Variants in DTNBP1 observed in about 807,000 individuals in gnomAD.
DTNBP1 encodes the protein dystrobrevin binding protein 1, also known as dysbindin.
DTNBP1 carries 35 observed loss-of-function variants against 42.8 expected under a neutral mutation model. That is an observed-to-expected ratio of 0.82 (90% CI 0.63 to 1.09). The LOEUF is 1.09. Ranked by LOEUF, DTNBP1 falls within the 50% of genes least tolerant of loss-of-function variation. DTNBP1 has a pLI of 0.00. For missense variants in DTNBP1, 457 were observed against 424.2 expected, an observed-to-expected ratio of 1.08 and a Z score of -0.68; for synonymous variants, 171 against 162.2, an observed-to-expected ratio of 1.05 and a Z score of -0.41.
At position 15,524,579 on chromosome 6, in the gene DTNBP1, T is replaced by C. The variant is rs1944264776; in HGVS notation, c.758A>G (p.Asp253Gly). Residue 253 changes from aspartate (D) to glycine (G), a missense_variant, in exon 9 of 10, where the codon GAC (aspartate) becomes GGC (glycine). Transcript: ENST00000344537. ...LMDISDQEAL[D>G]VFLNSGGEEN... ...TTCTCCTCCAGAGTTCAGGAAGACGTCCAGGGCCTCCTGGTCCGATATGTC... is the reference window on the plus strand; with the variant it reads ...TTCTCCTCCAGAGTTCAGGAAGACGCCCAGGGCCTCCTGGTCCGATATGTC... 1 of 1,612,800 alleles carries C rather than the reference T, an allele frequency of 6.2e-7. No homozygotes were observed. Among genetic ancestry groups the C allele is most frequent in the Non-Finnish European group, 8.5e-7 (1 of 1,179,316 alleles).
intron 8 of DTNBP1, among the ~76,000 whole-genome samples, chr6:15,532,730 C>T (rs1221477977): frequency 3.8e-5 from 4 of 104,202 alleles, no homozygotes; most frequent in African/African-American, 7.9e-5. Flanking sequence ...GAGACAGTCT[C>T]ACTCTGCCAC....
intron 6 of DTNBP1, among the ~76,000 whole-genome samples, chr6:15,607,160 A>T (rs2010546): frequency 6.6e-6 from 1 of 151,750 alleles, no homozygotes; most frequent in East Asian, 1.9e-4. Context: ...ACAGGCACCC[A>T]CTACCACATC....
chr6:15,542,817 G>A (rs986751029), intron 7 of DTNBP1, among the ~76,000 whole-genome samples: 12 of 151,872 alleles, frequency 7.9e-5, no homozygotes, highest in African/African-American at 1.9e-4. Context: ...TCAGCCTCCC[G>A]AGTAGCCGAG....
At chr6:15,538,898 C>T (rs1773398115) in intron 7 of DTNBP1, among the ~76,000 whole-genome samples, 1 of 152,188 alleles carries the variant, frequency 6.6e-6, no homozygotes, top group Admixed American at 6.5e-5. Flanking sequence ...GTATCAACAT[C>T]TTAGGGGTGT....
At chr6:15,615,236 A>G (rs1758646135) in intron 6 of DTNBP1, 31 bp downstream of exon 6, 1 of 1,614,034 alleles carries the variant, frequency 6.2e-7, no homozygotes, top group Non-Finnish European at 8.5e-7. Flanking sequence ...CGAGACTGGA[A>G]TGAATACTGT....
chr6:15,591,671 CTTCTT>C lies in DTNBP1; in HGVS notation c.511+1383_511+1387del, dbSNP rs1776303779. 2.6e-5 allele frequency among the ~76,000 whole-genome samples: 4 copies of C among 152,296 alleles called. No individual in the cohort carries two copies. The South Asian group carries it at 8.3e-4, about 32-fold the overall frequency. ...CTAACCTTTTGCAAACTGCTATTCT[CTTCTT>C]TTTCTCTGAATATTGTCACACTAAA... is the stretch of plus-strand genomic sequence containing the variant. On this transcript the variant is annotated intron_variant, in intron 7 of 9. Coordinates refer to ENST00000344537, the MANE Select transcript of DTNBP1 (RefSeq NM_032122.5).
At chr6:15,549,979 C>T (rs755389379) in intron 7 of DTNBP1, among the ~76,000 whole-genome samples, 5 of 152,200 alleles carry the variant, frequency 3.3e-5, no homozygotes, top group African/African-American at 7.2e-5. Flanking sequence ...ATCCTGACTA[C>T]GCCAATCCCA....
intron 5 of DTNBP1, among the ~76,000 whole-genome samples, chr6:15,622,346 A>T (rs1214674350): frequency 6.6e-6 from 1 of 152,234 alleles, no homozygotes; most frequent in Non-Finnish European, 1.5e-5. Flanking sequence ...GAAATCAGTA[A>T]CAAAATATAA....
chr6:15,585,868 G>A, intron 7 of DTNBP1: 2 of 1,425,812 alleles, frequency 1.4e-6, no homozygotes, highest in Non-Finnish European at 1.8e-6. Context: ...TAGAACAAAG[G>A]AAGTGAGGCT....
chr6:15,588,861 A>C (rs994988324), intron 7 of DTNBP1, among the ~76,000 whole-genome samples: 1 of 152,198 alleles, frequency 6.6e-6, no homozygotes, highest in African/African-American at 2.4e-5. Context: ...CTCGTCATTC[A>C]GATCAAGTGT....
At chr6:15,530,298 C>T (rs1343464457) in intron 8 of DTNBP1, among the ~76,000 whole-genome samples, 1 of 152,178 alleles carries the variant, frequency 6.6e-6, no homozygotes, top group Non-Finnish European at 1.5e-5. Flanking sequence ...GCCCGATTCC[C>T]GTGTGTGGCT....
chr6:15,627,029 C>T (rs1759385699), intron 5 of DTNBP1, among the ~76,000 whole-genome samples: 1 of 152,168 alleles, frequency 6.6e-6, no homozygotes, highest in Non-Finnish European at 1.5e-5. Flanking sequence ...ACAAAGTCAC[C>T]TAATCCATTT....
chr6:15,556,942 C>T (rs890794185), intron 7 of DTNBP1, among the ~76,000 whole-genome samples: 47 of 152,170 alleles, frequency 3.1e-4, no homozygotes, highest in African/African-American at 1.1e-3. Context: ...GCTTCTTTGA[C>T]TTGAAAATTG....
chr6:15,619,390 A>C (rs1341048343), intron 5 of DTNBP1, among the ~76,000 whole-genome samples: 1 of 152,182 alleles, frequency 6.6e-6, no homozygotes, highest in African/African-American at 2.4e-5. Flanking sequence ...ATACTTAAAA[A>C]TTTTTTAAAA....
At chr6:15,596,473 T>G (rs972301937) in intron 6 of DTNBP1, among the ~76,000 whole-genome samples, 1 of 152,180 alleles carries the variant, frequency 6.6e-6, no homozygotes, top group African/African-American at 2.4e-5. Context: ...CAGAGACCAC[T>G]TCTCTGTTTT....
intron 3 of DTNBP1, among the ~76,000 whole-genome samples, chr6:15,649,752 T>C (rs1011307635): frequency 6.6e-6 from 1 of 152,210 alleles, no homozygotes; most frequent in African/African-American, 2.4e-5. Context: ...ACTGTTTCAG[T>C]GCGATGTATA....
chr6:15,558,828 C>A (rs1253626432), intron 7 of DTNBP1, among the ~76,000 whole-genome samples: 2 of 152,110 alleles, frequency 1.3e-5, no homozygotes, highest in African/African-American at 4.8e-5. Context: ...TAGGTTGATG[C>A]AAAAGTAATT....
At chr6:15,536,045 A>T (rs1341870339) in intron 7 of DTNBP1, among the ~76,000 whole-genome samples, 1 of 152,260 alleles carries the variant, frequency 6.6e-6, no homozygotes, top group Non-Finnish European at 1.5e-5. Flanking sequence ...TAAAGCATTC[A>T]AGACATGACC....
intron 6 of DTNBP1, among the ~76,000 whole-genome samples, chr6:15,596,337 C>T (rs1010106136): frequency 1.3e-5 from 2 of 152,142 alleles, no homozygotes; most frequent in African/African-American, 2.4e-5. Context: ...TCAGCCTACT[C>T]GAGGATTTAA....
Sources: gnomAD v4.1 joint callset for allele counts (sites outside exome capture counted in the v4.1 genomes callset) on GRCh38, gnomAD v4.1.1 for gene constraint, MANE v1.5 for transcripts, NCBI Gene and HGNC (gene_info 2026-07-23, HGNC 2026-07-21) for gene names.